The following MBD3L1 variants were observed in gnomAD, a reference collection of about 807,000 sequenced individuals.
MBD3L1 encodes methyl-CpG-binding domain protein 3-like 1.
For synonymous variants in MBD3L1, 84 were observed against 85.1 expected (o/e 0.99, Z 0.07); for missense variants, 203 against 230.1 (o/e 0.88, Z 0.76).
rs112624934 is a variant in MBD3L1 at position 8,834,628 on chromosome 19, C to CA, written c.-107+2115dup. 5.0e-3 allele frequency among the ~76,000 whole-genome samples: 698 copies of CA among 138,344 alleles called. 1 individual carries two copies. The highest frequency in any genetic ancestry group is 9.3e-3 in the African/African-American group (348 of 37,378). The allele number at this position is 138,344 out of a possible 152,430, so 90.8% of individuals were successfully genotyped here. The stretch of plus-strand genomic sequence containing the variant: ...TCAAAAAAAAAAAACAAACCAAAAC[C>CA]AAAAAAAAACAAAAAAAAAACCAAC... On this transcript the variant is annotated intron_variant, in intron 1 of 2. Coordinates refer to ENST00000595891, the MANE Select transcript of MBD3L1 (RefSeq NM_001393532.1).
At chr19:8,841,851 T>C (rs1374972352) in intron 2 of MBD3L1, among the ~76,000 whole-genome samples, 1 of 152,112 alleles carries the variant, frequency 6.6e-6, no homozygotes, top group Non-Finnish European at 1.5e-5. Context: ...GCCACTGTGC[T>C]GGGTCAGAAT....
chr19:8,836,724 G>A (rs1452346841), intron 1 of MBD3L1, among the ~76,000 whole-genome samples: 4 of 152,106 alleles, frequency 2.6e-5, no homozygotes, highest in Admixed American at 1.3e-4. Flanking sequence ...ACTCCTGAGC[G>A]CAAGCAATCC....
intron 1 of MBD3L1, among the ~76,000 whole-genome samples, chr19:8,833,772 T>C (rs1230400722): frequency 6.6e-6 from 1 of 151,998 alleles, no homozygotes; most frequent in African/African-American, 2.4e-5. Flanking sequence ...GCAGATCACC[T>C]GAGGTCAGGA....
At chr19:8,833,620 T>C (rs1325608750) in intron 1 of MBD3L1, 1 of 152,276 alleles carries the variant, frequency 6.6e-6, no homozygotes, top group Non-Finnish European at 1.5e-5. Context: ...ACGTGCATTT[T>C]AGTTGTGAGT....
At chr19:8,836,637 G>T (rs975450349) in intron 1 of MBD3L1, among the ~76,000 whole-genome samples, 1 of 151,958 alleles carries the variant, frequency 6.6e-6, no homozygotes, top group East Asian at 1.9e-4. Context: ...GACTGCAGGC[G>T]TGCACCACCA....
intron 1 of MBD3L1, among the ~76,000 whole-genome samples, chr19:8,836,559 A>G (rs2044458029): frequency 1.3e-5 from 2 of 151,346 alleles, no homozygotes; most frequent in African/African-American, 2.4e-5. Context: ...TGGTGCAAAC[A>G]TGGCTCATTG....
intron 1 of MBD3L1, among the ~76,000 whole-genome samples, chr19:8,834,406 G>T (rs968626400): frequency 6.6e-6 from 1 of 151,698 alleles, no homozygotes; most frequent in Non-Finnish European, 1.5e-5. Context: ...TCAAGATATC[G>T]AGACCATCCT....
chr19:8,839,042 C>T (rs1297327284), intron 1 of MBD3L1, among the ~76,000 whole-genome samples: 2 of 152,104 alleles, frequency 1.3e-5, no homozygotes, highest in African/African-American at 2.4e-5. Flanking sequence ...CCACATGAGA[C>T]CTTTTAAATG....
In MBD3L1 at chr19:8,843,064, T is replaced by A; in HGVS notation, c.386T>A (p.Val129Glu). The change falls in exon 3 of 3, where the codon GTG becomes GAG. Residue 129 changes from valine (V) to glutamate (E), a missense_variant. Val to Glu is a moderately radical substitution (Grantham distance 121, BLOSUM62 -2). Transcript: ENST00000595891. Reference protein sequence around the residue: ...MPHLACSSDAVEIIPAEGVGI... With the variant: ...MPHLACSSDAEEIIPAEGVGI... The stretch of plus-strand genomic sequence containing the variant: ...CACCTTGCCTGCTCTTCAGATGCGG[T>A]GGAGATAATTCCTGCAGAGGGAGTG... The A allele has an allele frequency of 6.2e-7, 1 of 1,614,114 alleles. No homozygotes were observed. The highest frequency in any genetic ancestry group is 1.7e-4 in the Middle Eastern group (1 of 6,060).
intron 1 of MBD3L1, among the ~76,000 whole-genome samples, chr19:8,840,013 C>G (rs888379229): frequency 6.6e-6 from 1 of 151,866 alleles, no homozygotes; most frequent in African/African-American, 2.4e-5. Flanking sequence ...GAAACCCCAT[C>G]GCTACTAAAA....
chr19:8,842,135 C>G (rs975829015), intron 2 of MBD3L1, among the ~76,000 whole-genome samples: 2 of 151,862 alleles, frequency 1.3e-5, no homozygotes, highest in African/African-American at 4.8e-5. Flanking sequence ...TCCAGACCAG[C>G]CTGGACAATA....
At position 8,842,912 on chromosome 19, in the gene MBD3L1, C is replaced by T; in HGVS notation, c.234C>T (p.Ser78=). 6 of 1,614,202 alleles carry T rather than the reference C, an allele frequency of 3.7e-6. No homozygotes were observed. The highest frequency in any genetic ancestry group is 2.7e-5 in the African/African-American group (2 of 75,044). ...GACTGCAGGGACTCCAGGCTTACAG[C>T]AGTGCAGGAGAACTTTCAAGCACTT... is the stretch of plus-strand genomic sequence containing the variant. ...QRRLQGLQAY[S]SAGELSSTLD... Residue 78 remains serine (S), a synonymous_variant, in exon 3 of 3, where the codon AGC becomes AGT. Coordinates refer to ENST00000595891, the MANE Select transcript of MBD3L1 (RefSeq NM_001393532.1).
intron 1 of MBD3L1, among the ~76,000 whole-genome samples, chr19:8,840,208 G>T (rs4804367): frequency 0.29 from 43,739 of 148,770 alleles, 6,614 homozygotes; most frequent in South Asian, 0.43. Flanking sequence ...AACAAAAACA[G>T]ATGATACAAA....
intron 1 of MBD3L1, among the ~76,000 whole-genome samples, chr19:8,836,301 G>A (rs1010849114): frequency 6.6e-6 from 1 of 151,912 alleles, no homozygotes; most frequent in Non-Finnish European, 1.5e-5. Flanking sequence ...GAAGAAAAGT[G>A]GAAAAAGTAA....
intron 1 of MBD3L1, among the ~76,000 whole-genome samples, chr19:8,839,357 A>G (rs2044488326): frequency 6.6e-6 from 1 of 151,552 alleles, no homozygotes; most frequent in African/African-American, 2.4e-5. Context: ...CTGTATTAAT[A>G]TTATGGCTAA....
chr19:8,833,365 T>G (rs2044408912), intron 1 of MBD3L1: 1 of 151,914 alleles, frequency 6.6e-6, no homozygotes, highest in African/African-American at 2.4e-5. Flanking sequence ...TAGGAAAACT[T>G]AAGAATGGTA....
chr19:8,843,060 G>T lies in MBD3L1; in HGVS notation c.382G>T (p.Ala128Ser), dbSNP rs980929605. Residue 128 changes from alanine to serine, a missense_variant, in exon 3 of 3, where the codon GCG becomes TCG. Coordinates refer to ENST00000595891, the MANE Select transcript of MBD3L1 (RefSeq NM_001393532.1). Reference protein sequence around the residue: ...PMPHLACSSDAVEIIPAEGVG... With the variant: ...PMPHLACSSDSVEIIPAEGVG... ...GCCCCACCTTGCCTGCTCTTCAGAT[G>T]CGGTGGAGATAATTCCTGCAGAGGG... is the stretch of plus-strand genomic sequence containing the variant. 6 of 1,614,126 alleles carry T rather than the reference G, an allele frequency of 3.7e-6. No individual in the cohort carries two copies. In the South Asian group the frequency reaches 5.5e-5, roughly 15 times the overall value.
At chr19:8,841,984 C>T (rs1186132381) in intron 2 of MBD3L1, among the ~76,000 whole-genome samples, 1 of 152,162 alleles carries the variant, frequency 6.6e-6, no homozygotes, top group African/African-American at 2.4e-5. Flanking sequence ...ACTGTGCAAA[C>T]CAAGAGGTCA....
chr19:8,842,967 G>C lies in MBD3L1; in HGVS notation c.289G>C (p.Val97Leu). ...TCTTGCCAATACCTTGCAAAAACTTGTCCCTAGTTACACAGGTGGATCTCT... is the reference window on the plus strand; with the variant it reads ...TCTTGCCAATACCTTGCAAAAACTTCTCCCTAGTTACACAGGTGGATCTCT... The part of the protein sequence containing the change: ...LDLANTLQKL[V>L]PSYTGGSLLE... The change falls in exon 3 of 3, where the codon GTC (valine) becomes CTC (leucine). Residue 97 changes from valine to leucine, a missense_variant. Physicochemically the swap from Val to Leu is conservative, Grantham distance 32. Transcript: ENST00000595891. The C allele has an allele frequency of 6.2e-7, 1 of 1,614,234 alleles. No individual in the cohort carries two copies. The highest frequency in any genetic ancestry group is 8.5e-7 in the Non-Finnish European group (1 of 1,180,036).
Sources: allele counts gnomAD v4.1 joint callset (sites outside exome capture counted in the v4.1 genomes callset), GRCh38; gene constraint gnomAD v4.1.1; transcripts MANE v1.5; gene names NCBI Gene and HGNC (gene_info 2026-07-23, HGNC 2026-07-21).